The following DMD variants were observed in gnomAD, a reference collection of about 807,000 sequenced individuals.
DMD encodes the protein mutant dystrophin.
A neutral mutation model predicts 330.1 loss-of-function variants in DMD; 63 were observed. That is an observed-to-expected ratio of 0.19 (90% CI 0.16 to 0.24). DMD has a LOEUF of 0.24. Among genes scored for constraint, DMD ranks in the 10% least tolerant of loss-of-function variants. The probability of loss-of-function intolerance (pLI) is 1.00; values close to 1 mark genes in which losing one functional copy is unlikely to be tolerated. For synonymous variants in DMD, 1,223 were observed against 959.8 expected (o/e 1.27, Z -5.07); for missense variants, 3,344 against 2,684.1 (o/e 1.25, Z -5.43).
intron 12 of DMD, among the ~76,000 whole-genome samples, chrX:32,611,532 C>A (rs2057170630): frequency 9.0e-6 from 1 of 111,728 alleles, no homozygotes; most frequent in Non-Finnish European, 1.9e-5. Flanking sequence ...ATTTCATTCA[C>A]ATTATATCTT....
intron 48 of DMD, among the ~76,000 whole-genome samples, chrX:31,846,327 T>C (rs944164636): frequency 1.8e-4 from 20 of 109,878 alleles, no homozygotes; most frequent in Non-Finnish European, 2.3e-4. Context: ...AGCAAACAGA[T>C]TTAGGTAACA....
intron 44 of DMD, among the ~76,000 whole-genome samples, chrX:32,173,154 A>G (rs1442022767): frequency 9.7e-6 from 1 of 103,261 alleles, no homozygotes; most frequent in African/African-American, 3.6e-5. Flanking sequence ...GTGGCTTTTT[A>G]GGGTACACTA....
At chrX:32,340,445 C>A (rs1428409815) in intron 41 of DMD, among the ~76,000 whole-genome samples, 2 of 111,508 alleles carry the variant, frequency 1.8e-5, no homozygotes, top group Non-Finnish European at 3.8e-5. Context: ...TTACGTTGTA[C>A]AAATATTTGT....
At chrX:32,598,378 A>G (rs867516182) in intron 12 of DMD, among the ~76,000 whole-genome samples, 3 of 111,686 alleles carry the variant, frequency 2.7e-5, no homozygotes, top group Admixed American at 9.6e-5. Context: ...TCTGAGTTAT[A>G]TAAGACAGGA....
chrX:32,659,810 A>T (rs1188590764), intron 9 of DMD, among the ~76,000 whole-genome samples: 1 of 110,867 alleles, frequency 9.0e-6, no homozygotes, highest in African/African-American at 3.3e-5. Context: ...GCCTTCTTCA[A>T]TGCAGTGTTG....
intron 47 of DMD, among the ~76,000 whole-genome samples, chrX:31,897,011 C>T (rs1226203908): frequency 1.8e-5 from 2 of 109,414 alleles, no homozygotes; most frequent in African/African-American, 3.3e-5. Flanking sequence ...CATGCTGGCG[C>T]GCTGCACCCA....
At chrX:31,389,167 T>A (rs952443264) in intron 60 of DMD, among the ~76,000 whole-genome samples, 3 of 112,266 alleles carry the variant, frequency 2.7e-5, no homozygotes, top group African/African-American at 9.7e-5. Flanking sequence ...TTATTCATTA[T>A]CTTGGGGGAG....
intron 7 of DMD, among the ~76,000 whole-genome samples, chrX:32,801,968 C>G (rs2076602680): frequency 1.8e-5 from 2 of 111,652 alleles, no homozygotes; most frequent in Admixed American, 9.5e-5. Context: ...GTTATTTTTG[C>G]TTAGGATGGT....
intron 9 of DMD, among the ~76,000 whole-genome samples, chrX:32,674,776 G>A (rs780473278): frequency 9.0e-6 from 1 of 111,028 alleles, no homozygotes; most frequent in Non-Finnish European, 1.9e-5. Context: ...GTATGAGTTC[G>A]AAAAGTTATG....
chrX:32,075,413 G>A (rs2147836993), intron 44 of DMD, among the ~76,000 whole-genome samples: 1 of 112,026 alleles, frequency 8.9e-6, no homozygotes, highest in East Asian at 2.8e-4. Flanking sequence ...ACATTTTCGT[G>A]CTTTCACTAT....
At chrX:32,574,166 A>G (rs770046538) in intron 13 of DMD, among the ~76,000 whole-genome samples, 8 of 111,805 alleles carry the variant, frequency 7.2e-5, no homozygotes, top group African/African-American at 2.6e-4. Flanking sequence ...CAGTGAGAAC[A>G]AGTAAAAGGT....
chrX:32,094,683 G>T (rs1468560531), intron 44 of DMD, among the ~76,000 whole-genome samples: 2 of 111,831 alleles, frequency 1.8e-5, no homozygotes, highest in African/African-American at 6.5e-5. Flanking sequence ...AAAGAACCAA[G>T]AAATAATTAT....
Position 32,411,875 on chromosome X carries a change from C to A in DMD, c.4110G>T (p.Gln1370His), listed in dbSNP as rs767073708. The change falls in exon 30 of 79, where the codon CAG (glutamine) becomes CAT (histidine). Residue 1370 changes from glutamine to histidine, a missense_variant. Transcript: ENST00000357033. Reference sequence around the variant, plus strand: ...AGGATTTTTCAGTCTCCTGGGCAGACTGGATGCTCTGTTCAAGCAACTTTT... The same window carrying A: ...AGGATTTTTCAGTCTCCTGGGCAGAATGGATGCTCTGTTCAAGCAACTTTT... ...RRQKLLEQSI[Q>H]SAQETEKSLH... 2 of 1,210,896 alleles carry A rather than the reference C, an allele frequency of 1.7e-6. No individual in the cohort carries two copies. The highest frequency in any genetic ancestry group is 2.2e-6 in the Non-Finnish European group (2 of 895,173).
At chrX:32,784,961 T>C (rs762923859) in intron 7 of DMD, among the ~76,000 whole-genome samples, 3 of 111,398 alleles carry the variant, frequency 2.7e-5, no homozygotes, top group African/African-American at 9.8e-5. Context: ...CTATTCCTTA[T>C]GTAAAGTTAT....
At position 32,389,573 on chromosome X, in the gene DMD, C is replaced by G; in HGVS notation, c.4446G>C (p.Lys1482Asn). The G allele has an allele frequency of 5.0e-6, 6 of 1,210,628 alleles. No individual in the cohort carries two copies. Among genetic ancestry groups the G allele is most frequent in the Non-Finnish European group, 6.7e-6 (6 of 894,668 alleles). ...TTGTTTCCAATGCAGGCAAGTGCATCTTCACTTCATCTAAAATCATCTTAC... is the reference window on the plus strand; with the variant it reads ...TTGTTTCCAATGCAGGCAAGTGCATGTTCACTTCATCTAAAATCATCTTAC... Reference protein sequence around the residue: ...QESKMILDEVKMHLPALETKS... With the variant: ...QESKMILDEVNMHLPALETKS... The change falls in exon 32 of 79, where the codon AAG (lysine) becomes AAC (asparagine). Residue 1482 changes from lysine to asparagine, a missense_variant. Coordinates refer to ENST00000357033, the MANE Select transcript of DMD (RefSeq NM_004006.3).
Position 32,244,356 on chromosome X carries a change from A to G in DMD, c.6291-27293T>C, listed in dbSNP as rs1370869498. Reference sequence around the variant, plus strand: ...GTGCCACATTTTCTTAATCCAGTCTATCATTGTTGGACATTTGGGTTGGTT... The same window carrying G: ...GTGCCACATTTTCTTAATCCAGTCTGTCATTGTTGGACATTTGGGTTGGTT... On this transcript the variant is annotated intron_variant, in intron 43 of 78. Coordinates refer to ENST00000357033, the MANE Select transcript of DMD (RefSeq NM_004006.3). 2.5e-3 allele frequency among the ~76,000 whole-genome samples: 224 copies of G among 91,180 alleles called. 2 individuals are homozygous for G. The highest frequency in any genetic ancestry group is 8.2e-3 in the African/African-American group (200 of 24,526). The allele number at this position is 91,180 out of a possible 115,157, so 79.2% of individuals were successfully genotyped here. A position where few individuals can be genotyped will look rare whatever the true frequency, so the allele number is the denominator to read the frequency against.
At chrX:31,360,179 T>TTTAAGAA (rs1455983057) in intron 60 of DMD, among the ~76,000 whole-genome samples, 2 of 111,382 alleles carry the variant, frequency 1.8e-5, no homozygotes, top group Non-Finnish European at 3.8e-5. Flanking sequence ...GACTGTCAGG[T>TTTAAGAA]TTAAGAATAG....
chrX:32,267,284 T>A (rs1023285330), intron 43 of DMD, among the ~76,000 whole-genome samples: 1 of 112,223 alleles, frequency 8.9e-6, no homozygotes, highest in Non-Finnish European at 1.9e-5. Flanking sequence ...GCTTTGCTCT[T>A]TTTCTGTCAT....
chrX:32,723,875 T>TA (rs375598552), intron 7 of DMD, among the ~76,000 whole-genome samples: 1,810 of 101,736 alleles, frequency 0.018, 44 homozygotes, highest in African/African-American at 0.059. Flanking sequence ...GCTAATCAAC[T>TA]AAAAAAAAAA....
Sources: allele counts gnomAD v4.1 joint callset (sites outside exome capture counted in the v4.1 genomes callset), GRCh38; gene constraint gnomAD v4.1.1; transcripts MANE v1.5; gene names NCBI Gene and HGNC (gene_info 2026-07-23, HGNC 2026-07-21).